TRIM2: variants seen among roughly 807,000 people sequenced by gnomAD.
TRIM2 encodes the protein tripartite motif containing 2.
Under a neutral mutation model 75.2 loss-of-function variants are expected in TRIM2, and 20 were observed. The ratio of observed to expected loss-of-function variants is 0.27; its 90% CI spans 0.19 to 0.39. The LOEUF (loss-of-function observed/expected upper bound fraction) is 0.39. TRIM2 is among the 10% of genes least tolerant of loss of function. The probability of loss-of-function intolerance (pLI) is 1.00; values close to 1 mark genes in which losing one functional copy is unlikely to be tolerated. For synonymous variants in TRIM2, 373 were observed against 388.3 expected (o/e 0.96, Z 0.46); for missense variants, 660 against 990.8 (o/e 0.67, Z 4.48).
intron 1 of TRIM2, among the ~76,000 whole-genome samples, chr4:153,244,163 TTC>T (rs1747560105): frequency 1.4e-5 from 2 of 143,908 alleles, no homozygotes; most frequent in African/African-American, 5.5e-5. Flanking sequence ...GTTCTTCTTC[TTC>T]TTCTTCTTCT....
chr4:153,224,331 G>A (rs1203690755), intron 1 of TRIM2, among the ~76,000 whole-genome samples: 1 of 152,156 alleles, frequency 6.6e-6, no homozygotes, highest in African/African-American at 2.4e-5. Flanking sequence ...TCTCCCTTAG[G>A]GTAAATATGG....
chr4:153,175,097 C>G (rs1279356492), intron 1 of TRIM2, among the ~76,000 whole-genome samples: 1 of 152,048 alleles, frequency 6.6e-6, no homozygotes, highest in African/African-American at 2.4e-5. Flanking sequence ...GCAACCTCCG[C>G]CTTCTGCCTT....
chr4:153,242,988 C>T (rs959531337), intron 1 of TRIM2, among the ~76,000 whole-genome samples: 1 of 152,160 alleles, frequency 6.6e-6, no homozygotes, highest in Non-Finnish European at 1.5e-5. Flanking sequence ...TGGCAGGGGC[C>T]CCAGGGCCCG....
At chr4:153,218,084 A>G (rs912903833) in intron 1 of TRIM2, among the ~76,000 whole-genome samples, 1 of 152,250 alleles carries the variant, frequency 6.6e-6, no homozygotes, top group Non-Finnish European at 1.5e-5. Flanking sequence ...CCACCTTTGT[A>G]AAAAGCAGTT....
At position 153,293,025 on chromosome 4, in the gene TRIM2, G is replaced by A. The variant is rs146252965; in HGVS notation, c.497G>A (p.Arg166Gln). 6.0e-5 allele frequency: 96 copies of A among 1,613,196 alleles called. No individual in the cohort carries two copies. Among genetic ancestry groups the A allele is most frequent in the Non-Finnish European group, 7.3e-5 (86 of 1,179,500 alleles). ...YCQSCETAMC[R>Q]ECTEGEHAEH... ...CAGTCCTGTGAGACTGCCATGTGTC[G>A]GGAGTGCACGGAGGGGGAGCACGCA... The change falls in exon 4 of 12, where the codon CGG (arginine) becomes CAG (glutamine). Residue 166 changes from arginine to glutamine, a missense_variant. By Grantham distance (43) the Arg-to-Gln change is conservative (BLOSUM62 1). Transcript: ENST00000338700.
intron 6 of TRIM2, among the ~76,000 whole-genome samples, chr4:153,302,990 G>A (rs756534522): frequency 3.3e-5 from 5 of 152,168 alleles, no homozygotes; most frequent in African/African-American, 7.2e-5. Context: ...CGTCATGCTC[G>A]TTTGGAGGCC....
At chr4:153,291,331 G>A (rs1278487159) in intron 3 of TRIM2, among the ~76,000 whole-genome samples, 2 of 152,060 alleles carry the variant, frequency 1.3e-5, no homozygotes, top group East Asian at 1.9e-4. Context: ...CATGCCACCC[G>A]AATCATGGCT....
In TRIM2 at chr4:153,315,827, T is replaced by C. The variant is rs1767475597; in HGVS notation, c.1615-5T>C. The C allele has an allele frequency of 6.2e-7, 1 of 1,614,128 alleles. No individual in the cohort carries two copies. Among genetic ancestry groups the C allele is most frequent in the Non-Finnish European group, 8.5e-7 (1 of 1,180,008 alleles). ...ACATTCCAATGAATGTAATTTATCT[T>C]ACAGATATTTTCCAATGATGGCCAG... On this transcript the variant is annotated splice_polypyrimidine_tract_variant and splice_region_variant and intron_variant, in intron 7 of 11. Coordinates refer to ENST00000338700, the MANE Select transcript of TRIM2 (RefSeq NM_015271.5).
At chr4:153,286,751 A>C (rs1272964374) in intron 3 of TRIM2, among the ~76,000 whole-genome samples, 182 of 145,860 alleles carry the variant, frequency 1.2e-3, no homozygotes, top group African/African-American at 4.3e-3. Flanking sequence ...ACACACACAC[A>C]CCCACCACCC....
chr4:153,267,468 T>C (rs4696181), intron 1 of TRIM2, among the ~76,000 whole-genome samples: 79,300 of 150,892 alleles, frequency 0.53, 21,918 homozygotes, highest in African/African-American at 0.7. Context: ...CTGGCTAACA[T>C]GGTGAAACCC....
chr4:153,316,254 G>C (rs41280469), intron 8 of TRIM2, among the ~76,000 whole-genome samples: 3 of 152,138 alleles, frequency 2.0e-5, no homozygotes, highest in Non-Finnish European at 4.4e-5. Flanking sequence ...TAAAACCATA[G>C]ATTTACAGGG....
At chr4:153,236,163 C>T (rs1042173436) in intron 1 of TRIM2, among the ~76,000 whole-genome samples, 1 of 152,068 alleles carries the variant, frequency 6.6e-6, no homozygotes, top group South Asian at 2.1e-4. Flanking sequence ...TTTACTGAGG[C>T]CTTCCCAGTC....
intron 4 of TRIM2, among the ~76,000 whole-genome samples, chr4:153,293,812 G>A (rs1480260800): frequency 6.6e-6 from 1 of 152,222 alleles, no homozygotes; most frequent in Non-Finnish European, 1.5e-5. Flanking sequence ...TATGTGGCTA[G>A]GGTAAAAGAT....
intron 1 of TRIM2, among the ~76,000 whole-genome samples, chr4:153,241,232 C>T (rs9994350): frequency 0.24 from 37,018 of 152,084 alleles, 5,946 homozygotes; most frequent in African/African-American, 0.45. Flanking sequence ...TCTGAGGTGT[C>T]TCACAGGAGT....
intron 1 of TRIM2, among the ~76,000 whole-genome samples, chr4:153,212,800 C>T (rs1001315165): frequency 1.3e-5 from 2 of 152,106 alleles, no homozygotes; most frequent in African/African-American, 4.8e-5. Flanking sequence ...TTCTTTATTC[C>T]CTTTTCTTTT....
intron 1 of TRIM2, among the ~76,000 whole-genome samples, chr4:153,221,484 C>G (rs1368287230): frequency 3.3e-5 from 5 of 152,182 alleles, no homozygotes; most frequent in African/African-American, 9.7e-5. Flanking sequence ...GGCCTTTCTT[C>G]GTTTCCTGCT....
chr4:153,213,256 G>T (rs917769886), intron 1 of TRIM2, among the ~76,000 whole-genome samples: 1 of 152,188 alleles, frequency 6.6e-6, no homozygotes, highest in Non-Finnish European at 1.5e-5. Context: ...TCCAGAGCCT[G>T]TGTTTTTAAC....
At chr4:153,289,206 C>G (rs1408728848) in intron 3 of TRIM2, among the ~76,000 whole-genome samples, 1 of 152,088 alleles carries the variant, frequency 6.6e-6, no homozygotes, top group African/African-American at 2.4e-5. Context: ...AGAGTCTCCC[C>G]TCTCCCTAGG....
chr4:153,276,221 C>A, intron 3 of TRIM2, 91 bp downstream of exon 3: 1 of 1,055,742 alleles, frequency 9.5e-7, no homozygotes, highest in Non-Finnish European at 1.4e-6. Flanking sequence ...CAGATTGAAA[C>A]AGAACTCCAT....
Sources: allele counts gnomAD v4.1 joint callset (sites outside exome capture counted in the v4.1 genomes callset), GRCh38; gene constraint gnomAD v4.1.1; transcripts MANE v1.5; gene names NCBI Gene and HGNC (gene_info 2026-07-23, HGNC 2026-07-21).